The following ZDHHC14 variants were observed in gnomAD, a reference collection of about 807,000 sequenced individuals.
The protein encoded by ZDHHC14 is zDHHC palmitoyltransferase 14.
In ZDHHC14, 16 loss-of-function variants were observed where a neutral mutation model predicts 47.7. The ratio of observed to expected loss-of-function variants is 0.34; its 90% CI spans 0.23 to 0.51. The LOEUF is 0.51. ZDHHC14 is among the 20% of genes least tolerant of loss of function. The pLI is 0.97. For synonymous variants in ZDHHC14, 293 were observed against 278.9 expected (o/e 1.05, Z -0.50); for missense variants, 515 against 662.5 (o/e 0.78, Z 2.44).
At chr6:157,657,751 T>C (rs1407388509) in intron 8 of ZDHHC14, among the ~76,000 whole-genome samples, 1 of 152,204 alleles carries the variant, frequency 6.6e-6, no homozygotes, top group African/African-American at 2.4e-5. Context: ...AGCAGGATGT[T>C]CCAGCCAGTG....
At chr6:157,500,012 T>C (rs960172479) in intron 1 of ZDHHC14, among the ~76,000 whole-genome samples, 1 of 152,056 alleles carries the variant, frequency 6.6e-6, no homozygotes, top group Admixed American at 6.5e-5. Flanking sequence ...ATGTATAACA[T>C]AATATCAGAT....
chr6:157,431,815 A>G (rs1195659309), intron 1 of ZDHHC14, among the ~76,000 whole-genome samples: 2 of 151,482 alleles, frequency 1.3e-5, no homozygotes, highest in Non-Finnish European at 2.9e-5. Context: ...CTGCAGCCTC[A>G]ACCCTCTGTG....
intron 1 of ZDHHC14, among the ~76,000 whole-genome samples, chr6:157,412,873 C>G (rs888172282): frequency 1.3e-5 from 2 of 152,142 alleles, no homozygotes; most frequent in African/African-American, 4.8e-5. Context: ...GAAATCAGGT[C>G]CATGAGAAAG....
intron 1 of ZDHHC14, among the ~76,000 whole-genome samples, chr6:157,488,944 G>A (rs1470871573): frequency 6.6e-6 from 1 of 152,216 alleles, no homozygotes; most frequent in Non-Finnish European, 1.5e-5. Context: ...AATTGAGTAT[G>A]TGTATTTCGT....
chr6:157,541,474 A>C, intron 1 of ZDHHC14, among the ~76,000 whole-genome samples: 1 of 152,106 alleles, frequency 6.6e-6, no homozygotes, highest in East Asian at 1.9e-4. Context: ...AGCAGAGCTG[A>C]GCTTCCCAAT....
intron 3 of ZDHHC14, among the ~76,000 whole-genome samples, chr6:157,615,651 G>A (rs546352019): frequency 6.2e-4 from 94 of 152,268 alleles, no homozygotes; most frequent in African/African-American, 2.2e-3. Flanking sequence ...GTCCTCTGCC[G>A]TAGAGTCCTA....
intron 2 of ZDHHC14, among the ~76,000 whole-genome samples, chr6:157,564,837 T>A (rs1782840281): frequency 6.6e-6 from 1 of 152,240 alleles, no homozygotes; most frequent in Admixed American, 6.5e-5. Context: ...GGTTTGGGCC[T>A]CTGACGGCTG....
In ZDHHC14 at chr6:157,672,720, C is replaced by G. The variant is rs748119347; in HGVS notation, c.1069-4C>G. On this transcript the variant is annotated splice_region_variant and splice_polypyrimidine_tract_variant and intron_variant, in intron 8 of 8. Transcript: ENST00000359775. ...TCTCTTTGCTGGCGCCTCCCGCTCTCCAGTGCGACCAAGACCAGTGCATTC... is the reference window on the plus strand; with the variant it reads ...TCTCTTTGCTGGCGCCTCCCGCTCTGCAGTGCGACCAAGACCAGTGCATTC... 3.1e-6 allele frequency: 5 copies of G among 1,603,336 alleles called. No homozygotes were observed. The highest frequency in any genetic ancestry group is 2.6e-6 in the Non-Finnish European group (3 of 1,174,542).
chr6:157,627,447 A>G (rs1392055227), intron 3 of ZDHHC14, among the ~76,000 whole-genome samples: 1 of 152,210 alleles, frequency 6.6e-6, no homozygotes, highest in East Asian at 1.9e-4. Flanking sequence ...TCTCAATAGA[A>G]GATCAGCTGA....
At chr6:157,620,033 G>A (rs796173496) in intron 3 of ZDHHC14, among the ~76,000 whole-genome samples, 8 of 152,274 alleles carry the variant, frequency 5.3e-5, no homozygotes, top group African/African-American at 1.9e-4. Context: ...GAGAGTGTGG[G>A]GGAAGAAACC....
At chr6:157,631,147 T>C (rs967232049) in intron 4 of ZDHHC14, 1 of 152,238 alleles carries the variant, frequency 6.6e-6, no homozygotes, top group African/African-American at 2.4e-5. Flanking sequence ...GCTGTCGTGC[T>C]CGCTCACATA....
chr6:157,425,902 C>T (rs1019759924), intron 1 of ZDHHC14, among the ~76,000 whole-genome samples: 1 of 152,180 alleles, frequency 6.6e-6, no homozygotes, highest in Non-Finnish European at 1.5e-5. Flanking sequence ...TGCTGCTCTG[C>T]CCTCTGCCAC....
chr6:157,456,038 GAGGATTT>G (rs1446839130), intron 1 of ZDHHC14, among the ~76,000 whole-genome samples: 2 of 152,156 alleles, frequency 1.3e-5, no homozygotes, highest in Non-Finnish European at 2.9e-5. Context: ...CTTTTTCGGC[GAGGATTT>G]AGGTTTCATC....
intron 1 of ZDHHC14, among the ~76,000 whole-genome samples, chr6:157,464,406 C>T (rs1414188390): frequency 6.6e-6 from 1 of 152,152 alleles, no homozygotes; most frequent in East Asian, 1.9e-4. Context: ...TCATAGTTTC[C>T]TCATTCATTC....
chr6:157,444,330 A>G (rs1046333689), intron 1 of ZDHHC14, among the ~76,000 whole-genome samples: 4 of 152,212 alleles, frequency 2.6e-5, no homozygotes, highest in African/African-American at 7.2e-5. Context: ...CGGAATACAC[A>G]TTGAGGCAGG....
chr6:157,635,375 T>TA (rs1444688328), intron 5 of ZDHHC14, among the ~76,000 whole-genome samples: 1 of 152,222 alleles, frequency 6.6e-6, no homozygotes, highest in Non-Finnish European at 1.5e-5. Context: ...GGGCTGTTAT[T>TA]AGAGACCAAG....
At chr6:157,497,117 T>C (rs531063582) in intron 1 of ZDHHC14, among the ~76,000 whole-genome samples, 1 of 152,170 alleles carries the variant, frequency 6.6e-6, no homozygotes, top group South Asian at 2.1e-4. Flanking sequence ...AAGGTGAAAT[T>C]AAAAACGTGA....
intron 1 of ZDHHC14, among the ~76,000 whole-genome samples, chr6:157,540,638 G>A (rs960594079): frequency 6.6e-6 from 1 of 152,142 alleles, no homozygotes; most frequent in Non-Finnish European, 1.5e-5. Flanking sequence ...TGGCTTTGCT[G>A]TGCCAACATC....
rs983920315 is a variant in ZDHHC14 at position 157,582,757 on chromosome 6, G to A, written c.407-10231G>A. 9.2e-5 allele frequency among the ~76,000 whole-genome samples: 14 copies of A among 152,084 alleles called. No individual in the cohort carries two copies. Among genetic ancestry groups the A allele is most frequent in the Non-Finnish European group, 2.1e-4 (14 of 68,016 alleles). ...TTTGCAGGAGTTCTCTTCATTTCCCGAACTTGAATGTCAGCCTCTCTAGCA... is the reference window on the plus strand; with the variant it reads ...TTTGCAGGAGTTCTCTTCATTTCCCAAACTTGAATGTCAGCCTCTCTAGCA... On this transcript the variant is annotated intron_variant, in intron 2 of 8. Coordinates refer to ENST00000359775, the MANE Select transcript of ZDHHC14 (RefSeq NM_024630.3). This position sits in a 1 kb window ranked among gnomAD's most constrained non-coding sequence, Gnocchi z 4.3.
Sources: allele counts gnomAD v4.1 joint callset (sites outside exome capture counted in the v4.1 genomes callset), GRCh38; gene constraint gnomAD v4.1.1; non-coding constraint Gnocchi (gnomAD v3.1); transcripts MANE v1.5; gene names NCBI Gene and HGNC (gene_info 2026-07-23, HGNC 2026-07-21).